The following AUTS2 variants were observed in gnomAD, a reference collection of about 807,000 sequenced individuals.
AUTS2 encodes autism susceptibility gene 2 protein.
In AUTS2, 17 loss-of-function variants were observed where a neutral mutation model predicts 112.4. The ratio of observed to expected loss-of-function variants is 0.15; its 90% CI spans 0.10 to 0.23. The LOEUF is 0.23. Ranked by LOEUF, AUTS2 falls within the 10% of genes least tolerant of loss-of-function variation. The pLI is 1.00. For synonymous variants in AUTS2, 751 were observed against 702.7 expected, an observed-to-expected ratio of 1.07 and a Z score of -1.09; for missense variants, 1,510 against 1,701.6, an observed-to-expected ratio of 0.89 and a Z score of 1.98.
rs367855382 is a variant in AUTS2, at chr7:70,766,305, G to A, written c.1660G>A (p.Ala554Thr). 4.6e-5 allele frequency: 74 copies of A among 1,613,912 alleles called. No homozygotes were observed. Among genetic ancestry groups the A allele is most frequent in the Admixed American group, 6.7e-5 (4 of 59,994 alleles). The change falls in exon 9 of 19, where the codon GCC (alanine) becomes ACC (threonine). Residue 554 changes from alanine to threonine, a missense_variant. By Grantham distance (58) the Ala-to-Thr change is moderately conservative. Coordinates refer to ENST00000342771, the MANE Select transcript of AUTS2 (RefSeq NM_015570.4). This position sits in a 1 kb window ranked among gnomAD's most constrained non-coding sequence, Gnocchi z 4.8. Reference sequence around the variant, plus strand: ...GTTCCCCCACGCCATCCCACCCACCGCCATCATGCCGACGCCAGCACCTCC... The same window carrying A: ...GTTCCCCCACGCCATCCCACCCACCACCATCATGCCGACGCCAGCACCTCC... ...TPFPHAIPPTAIMPTPAPPMF... is the reference protein window; with the variant it reads ...TPFPHAIPPTTIMPTPAPPMF...
chr7:70,073,130 C>T (rs1280717824), intron 2 of AUTS2, among the ~76,000 whole-genome samples: 2 of 148,144 alleles, frequency 1.4e-5, no homozygotes, highest in Non-Finnish European at 3.0e-5. Flanking sequence ...ACTGGTCACC[C>T]CTTCACTTCC....
intron 2 of AUTS2, among the ~76,000 whole-genome samples, chr7:70,062,255 A>T (rs932134264): frequency 6.6e-6 from 1 of 151,990 alleles, no homozygotes; most frequent in South Asian, 2.1e-4. Context: ...TCATGCCTGT[A>T]ATCCCAGCAC....
chr7:70,135,471 GA>G (rs1806505360), intron 4 of AUTS2, among the ~76,000 whole-genome samples: 1 of 152,048 alleles, frequency 6.6e-6, no homozygotes, highest in East Asian at 1.9e-4. Context: ...AAATAAAGTG[GA>G]AAATAATTAC....
intron 5 of AUTS2, among the ~76,000 whole-genome samples, chr7:70,619,631 T>G (rs1804563731): frequency 6.6e-6 from 1 of 152,070 alleles, no homozygotes; most frequent in Non-Finnish European, 1.5e-5. Context: ...ATTTTGTTTT[T>G]CAAGAGGTGT....
intron 6 of AUTS2, among the ~76,000 whole-genome samples, chr7:70,708,130 C>T (rs538870990): frequency 6.6e-6 from 1 of 152,316 alleles, no homozygotes; most frequent in African/African-American, 2.4e-5. Flanking sequence ...CCCCTCTTAT[C>T]TATCACCTTT....
chr7:70,386,361 A>G (rs188079094), intron 4 of AUTS2, among the ~76,000 whole-genome samples: 1 of 152,340 alleles, frequency 6.6e-6, no homozygotes, highest in East Asian at 1.9e-4. Context: ...TTAAAAACAC[A>G]TTTATTGAAA....
chr7:70,703,457 C>T (rs1231763180), intron 6 of AUTS2, among the ~76,000 whole-genome samples: 1 of 126,814 alleles, frequency 7.9e-6, no homozygotes, highest in Non-Finnish European at 1.6e-5. Context: ...GATTGTGCCA[C>T]TATAGCCTGG....
intron 5 of AUTS2, among the ~76,000 whole-genome samples, chr7:70,578,926 C>CTTTTT (rs71077663): frequency 2.3e-5 from 3 of 132,316 alleles, no homozygotes; most frequent in Non-Finnish European, 3.2e-5. Flanking sequence ...TTTTTTCTTT[C>CTTTTT]TTTTTTTTTT....
intron 18 of AUTS2, 130 bp downstream of exon 18, chr7:70,787,561 C>T: frequency 1.5e-6 from 1 of 652,358 alleles, no homozygotes; most frequent in Non-Finnish European, 2.7e-6. Context: ...CAGCTCCTCC[C>T]CACAGCCAGT....
chr7:69,989,939 C>T (rs770656107), intron 2 of AUTS2, among the ~76,000 whole-genome samples: 1 of 152,126 alleles, frequency 6.6e-6, no homozygotes, highest in Non-Finnish European at 1.5e-5. Context: ...GAATCTAATG[C>T]CTGATGATCT....
At chr7:70,430,939 C>T (rs944117872) in intron 4 of AUTS2, among the ~76,000 whole-genome samples, 16 of 151,082 alleles carry the variant, frequency 1.1e-4, no homozygotes, top group African/African-American at 3.7e-4. Flanking sequence ...GGGTTCGCGC[C>T]ATTCTCCTGC....
intron 1 of AUTS2, among the ~76,000 whole-genome samples, chr7:69,630,610 G>A (rs186157076): frequency 7.2e-4 from 109 of 152,352 alleles, no homozygotes; most frequent in African/African-American, 2.5e-3. Flanking sequence ...ACTTGGAGCA[G>A]TTGAGACAAC....
At chr7:70,332,132 A>G (rs772493902) in intron 4 of AUTS2, among the ~76,000 whole-genome samples, 14 of 152,242 alleles carry the variant, frequency 9.2e-5, no homozygotes, top group Non-Finnish European at 1.8e-4. Context: ...TACAAAATCA[A>G]TGTGCAAAAA....
intron 2 of AUTS2, among the ~76,000 whole-genome samples, chr7:69,980,213 G>T (rs1018769868): frequency 6.6e-6 from 1 of 152,208 alleles, no homozygotes; most frequent in African/African-American, 2.4e-5. Flanking sequence ...CTCCTGAGCA[G>T]CTGGGATTAC....
At chr7:69,943,787 G>A (rs1221686020) in intron 2 of AUTS2, among the ~76,000 whole-genome samples, 1 of 152,156 alleles carries the variant, frequency 6.6e-6, no homozygotes, top group Non-Finnish European at 1.5e-5. Context: ...AAGGGACATA[G>A]AAGAATTTGG....
chr7:70,189,450 C>G (rs1809770662), intron 4 of AUTS2, among the ~76,000 whole-genome samples: 1 of 152,162 alleles, frequency 6.6e-6, no homozygotes, highest in South Asian at 2.1e-4. Flanking sequence ...CAACTTGTTA[C>G]TGAGGAAGAC....
intron 5 of AUTS2, among the ~76,000 whole-genome samples, chr7:70,585,553 G>A (rs769241820): frequency 5.9e-5 from 9 of 152,100 alleles, no homozygotes; most frequent in Middle Eastern, 3.2e-3. Context: ...CATACAGATC[G>A]CGTATATTAA....
chr7:70,750,330 C>CTTTTT (rs201667797), intron 6 of AUTS2, among the ~76,000 whole-genome samples: 2 of 143,262 alleles, frequency 1.4e-5, no homozygotes, highest in African/African-American at 5.2e-5. Context: ...GATGGAAAGT[C>CTTTTT]TTTTTTTTTT....
At chr7:69,779,039 CTTTT>C (rs71529992) in intron 1 of AUTS2, among the ~76,000 whole-genome samples, 42 of 103,510 alleles carry the variant, frequency 4.1e-4, no homozygotes, top group African/African-American at 1.2e-3. Context: ...AGTTGTGAGC[CTTTT>C]TTTTTTTAAA....
Sources: gnomAD v4.1 joint callset for allele counts (sites outside exome capture counted in the v4.1 genomes callset) on GRCh38, gnomAD v4.1.1 for gene constraint, Gnocchi (gnomAD v3.1) non-coding constraint, MANE v1.5 for transcripts, NCBI Gene and HGNC (gene_info 2026-07-23, HGNC 2026-07-21) for gene names.